The following PODXL variants were observed in gnomAD, a reference collection of about 807,000 sequenced individuals.
PODXL encodes the protein podocalyxin.
PODXL carries 20 observed loss-of-function variants against 48.9 expected under a neutral mutation model. The observed-to-expected ratio is 0.41, with a 90% CI of 0.29 to 0.59. The LOEUF (loss-of-function observed/expected upper bound fraction) is 0.59, where lower values mean the gene tolerates loss of function less well. Ranked by LOEUF, PODXL falls within the 20% of genes least tolerant of loss-of-function variation. PODXL has a pLI of 0.31. For synonymous variants in PODXL, 295 were observed against 287.4 expected (o/e 1.03, Z -0.27); for missense variants, 606 against 675.1 (o/e 0.90, Z 1.13).
intron 1 of PODXL, among the ~76,000 whole-genome samples, chr7:131,517,265 C>T (rs1798014304): frequency 6.6e-6 from 1 of 152,148 alleles, no homozygotes. Context: ...TGTGTTTCCA[C>T]AGTGGGCAGC....
At chr7:131,526,739 C>CTTTTTTTTTTTTTTTTTTTTTTT (rs57935236) in intron 1 of PODXL, among the ~76,000 whole-genome samples, 1 of 90,498 alleles carries the variant, frequency 1.1e-5, no homozygotes, top group Non-Finnish European at 1.9e-5. Context: ...CTTCCTTACT[C>CTTTTTTTTTTTTTTTTTTTTTTT]TTTTTTTTTT....
At position 131,503,016 on chromosome 7, in the gene PODXL, G is replaced by T; in HGVS notation, c.*1295C>A. The T allele has an allele frequency of 6.5e-6, 1 of 152,848 alleles. No individual in the cohort carries two copies. The allele number at this position is 152,848 out of a possible 1,614,324, so 9.5% of individuals were successfully genotyped here. A position where few individuals can be genotyped will look rare whatever the true frequency, so the allele number is the denominator to read the frequency against. ...CACCCAGCATGCACTGCGCTTTCCA[G>T]GCCCTCTTTTCCTGTGGCACAGGAG... On this transcript the variant is annotated 3_prime_UTR_variant, in exon 9 of 9. Transcript: ENST00000378555.
chr7:131,518,573 C>T (rs1798041802), intron 1 of PODXL, among the ~76,000 whole-genome samples: 1 of 152,158 alleles, frequency 6.6e-6, no homozygotes. Flanking sequence ...CATGGGGAAT[C>T]CCCTGGGTTC....
chr7:131,543,829 T>C (rs112896122), intron 1 of PODXL, among the ~76,000 whole-genome samples: 2,806 of 152,174 alleles, frequency 0.018, 64 homozygotes, highest in South Asian at 0.09. Context: ...GAATCCGTGG[T>C]GTCACTGCCT....
At chr7:131,531,296 C>T (rs1440354779) in intron 1 of PODXL, among the ~76,000 whole-genome samples, 1 of 152,164 alleles carries the variant, frequency 6.6e-6, no homozygotes, top group Non-Finnish European at 1.5e-5. Context: ...TTTAAGAAAA[C>T]CAGTATCTCC....
intron 1 of PODXL, among the ~76,000 whole-genome samples, chr7:131,528,816 A>G (rs1798227817): frequency 1.3e-5 from 2 of 152,170 alleles, no homozygotes; most frequent in African/African-American, 4.8e-5. Flanking sequence ...TTTGTAACGC[A>G]AGGATTCTAA....
At position 131,544,646 on chromosome 7, in the gene PODXL, CGCCCTGT is replaced by C. The variant is rs1183103444; in HGVS notation, c.100+11607_100+11613del. ...GGGAGCAGCAGGGCCTCCGCACGCACGCCCTGTACTACGCACGCACGCCCTGTACTAC... is the reference window on the plus strand; with the variant it reads ...GGGAGCAGCAGGGCCTCCGCACGCACACTACGCACGCACGCCCTGTACTAC... On this transcript the variant is annotated intron_variant, in intron 1 of 8. Transcript: ENST00000378555. Among the ~76,000 whole-genome samples the C allele has an allele frequency of 1.7e-3, 28 of 16,750 alleles. No individual in the cohort carries two copies. The Admixed American group carries it at 0.047, about 28-fold the overall frequency. 11.0% of individuals were successfully genotyped at this position (16,750 alleles called of 152,430 possible). A position where few individuals can be genotyped will look rare whatever the true frequency, so the allele number is the denominator to read the frequency against.
intron 8 of PODXL, among the ~76,000 whole-genome samples, 161 bp from the exon 9 acceptor site, chr7:131,504,669 C>T (rs959390612): frequency 6.6e-6 from 1 of 152,170 alleles, no homozygotes; most frequent in Non-Finnish European, 1.5e-5. Flanking sequence ...CATTCTGGCT[C>T]TCAGCCTGCC....
chr7:131,510,711 A>T (rs1287004658), intron 2 of PODXL, 117 bp downstream of exon 2: 2 of 1,192,984 alleles, frequency 1.7e-6, no homozygotes, highest in East Asian at 2.5e-5. Flanking sequence ...ACCTCAGGTG[A>T]TCCACCTGTC....
At chr7:131,537,108 A>C (rs991495227) in intron 1 of PODXL, among the ~76,000 whole-genome samples, 2 of 152,066 alleles carry the variant, frequency 1.3e-5, no homozygotes, top group African/African-American at 4.8e-5. Flanking sequence ...CCCGGATGAC[A>C]GAGTGAGACC....
intron 1 of PODXL, among the ~76,000 whole-genome samples, chr7:131,532,351 G>C (rs1798294020): frequency 6.6e-6 from 1 of 150,618 alleles, no homozygotes; most frequent in Admixed American, 6.6e-5. Flanking sequence ...CAGGAGAATG[G>C]TGTGAACCTG....
In PODXL at chr7:131,556,287, AC is replaced by A; in HGVS notation, c.72del (p.Ser25ArgfsTer142). 6.7e-7 allele frequency: 1 copy of A among 1,483,450 alleles called. No individual in the cohort carries two copies. The highest frequency in any genetic ancestry group is 2.8e-5 in the East Asian group (1 of 35,654). 91.9% of individuals were successfully genotyped at this position (1,483,450 alleles called of 1,614,324 possible). A position where few individuals can be genotyped will look rare whatever the true frequency, so the allele number is the denominator to read the frequency against. Reference sequence around the variant, plus strand: ...TTCTGGGAGGGCGACGGCGACGGCGACGGCGACGACGGCAGCAGCGGCGGCG... The same window carrying A: ...TTCTGGGAGGGCGACGGCGACGGCGAGGCGACGACGGCAGCAGCGGCGGCG... ...LSTPPLLPSS[P>X]SPSPSPSQNA... On this transcript the variant is annotated frameshift_variant, in exon 1 of 9. Coordinates refer to ENST00000378555, the MANE Select transcript of PODXL (RefSeq NM_001018111.3). LOFTEE classifies it high-confidence loss of function.
intron 5 of PODXL, 111 bp from the exon 6 acceptor site, chr7:131,506,837 T>C: frequency 8.4e-7 from 1 of 1,185,610 alleles, no homozygotes; most frequent in Non-Finnish European, 1.2e-6. Context: ...TGCTAGAACC[T>C]GCCTCCCTCT....
chr7:131,515,259 A>G (rs1797973118), intron 1 of PODXL, among the ~76,000 whole-genome samples: 1 of 152,184 alleles, frequency 6.6e-6, no homozygotes, highest in African/African-American at 2.4e-5. Flanking sequence ...TTCCAAGAAC[A>G]CATTCAAGGA....
chr7:131,548,256 C>A (rs184435481), intron 1 of PODXL, among the ~76,000 whole-genome samples: 56 of 152,378 alleles, frequency 3.7e-4, no homozygotes, highest in Middle Eastern at 3.4e-3. Context: ...ACAGAGACGT[C>A]CAAGGTTTGC....
intron 1 of PODXL, among the ~76,000 whole-genome samples, chr7:131,545,827 A>G (rs1213409689): frequency 6.6e-6 from 1 of 152,252 alleles, no homozygotes; most frequent in African/African-American, 2.4e-5. Context: ...TAACTATTAA[A>G]ATCTTGAGGA....
intron 1 of PODXL, among the ~76,000 whole-genome samples, chr7:131,546,789 T>A (rs1798583944): frequency 6.9e-6 from 1 of 144,650 alleles, no homozygotes; most frequent in Admixed American, 6.9e-5. Flanking sequence ...TGAAGGGCAG[T>A]GCCCCCTAGG....
chr7:131,555,591 A>G (rs993744352), intron 1 of PODXL, among the ~76,000 whole-genome samples: 17 of 152,202 alleles, frequency 1.1e-4, no homozygotes, highest in Admixed American at 2.0e-4. Context: ...TCACCATCGT[A>G]GCCACGCACT....
chr7:131,554,588 G>C (rs1798716019), intron 1 of PODXL, among the ~76,000 whole-genome samples: 1 of 152,196 alleles, frequency 6.6e-6, no homozygotes, highest in Admixed American at 6.5e-5. Context: ...CATCCTTGAA[G>C]CCAGCAGTGA....
Sources: gnomAD v4.1 joint callset for allele counts (sites outside exome capture counted in the v4.1 genomes callset) on GRCh38, gnomAD v4.1.1 for gene constraint, MANE v1.5 for transcripts, NCBI Gene and HGNC (gene_info 2026-07-23, HGNC 2026-07-21) for gene names.